Variants in NEXN observed in about 807,000 individuals in gnomAD.
NEXN encodes the protein nexilin.
A neutral mutation model predicts 92.6 loss-of-function variants in NEXN; 65 were observed. That is an observed-to-expected ratio of 0.70 (90% confidence interval 0.57 to 0.86). The LOEUF (loss-of-function observed/expected upper bound fraction) is 0.86. Among genes scored for constraint, NEXN ranks in the 40% least tolerant of loss-of-function variants. NEXN has a pLI of 0.00. For synonymous variants in NEXN, 254 were observed against 242.5 expected (o/e 1.05, Z -0.44); for missense variants, 778 against 771.1 (o/e 1.01, Z -0.11).
At chr1:77,921,676 G>A (rs1649431045) in intron 5 of NEXN, among the ~76,000 whole-genome samples, 1 of 152,166 alleles carries the variant, frequency 6.6e-6, no homozygotes, top group South Asian at 2.1e-4. Context: ...TTGGGAGACC[G>A]AGGCAGGTGG....
chr1:77,938,352 TAAG>T (rs745321281), intron 11 of NEXN, among the ~76,000 whole-genome samples: 7 of 152,122 alleles, frequency 4.6e-5, no homozygotes, highest in Non-Finnish European at 8.8e-5. Flanking sequence ...AATAAGCATT[TAAG>T]AAGTTTAGTC....
chr1:77,901,885 G>T (rs928911996), intron 1 of NEXN, among the ~76,000 whole-genome samples: 3 of 152,150 alleles, frequency 2.0e-5, no homozygotes, highest in Admixed American at 1.3e-4. Context: ...GGGACTACAG[G>T]AATGCACCCA....
chr1:77,937,000 G>A (rs1246938403), intron 11 of NEXN, among the ~76,000 whole-genome samples: 1 of 152,190 alleles, frequency 6.6e-6, no homozygotes, highest in Non-Finnish European at 1.5e-5. Context: ...TAGATGCCAT[G>A]TGAAGGGATT....
chr1:77,929,446 A>T lies in NEXN; in HGVS notation c.995A>T (p.Glu332Val). ...REDEKRKAEE[E>V]ARRRIEEEKK... ...GATGAAAAAAGGAAAGCAGAAGAAG[A>T]AGCCAGAAGGAGAATAGAGGAAGAA... Residue 332 changes from glutamate to valine, a missense_variant, in exon 9 of 13, where the codon GAA (glutamate) becomes GTA (valine). Physicochemically the swap from Glu to Val is moderately radical, Grantham distance 121. Transcript: ENST00000334785. 1.9e-6 allele frequency: 3 copies of T among 1,613,480 alleles called. No individual in the cohort carries two copies. In the South Asian group the frequency reaches 3.3e-5, roughly 18 times the overall value.
intron 1 of NEXN, among the ~76,000 whole-genome samples, chr1:77,906,472 T>G (rs1298916003): frequency 6.6e-6 from 1 of 152,310 alleles, no homozygotes; most frequent in African/African-American, 2.4e-5. Context: ...AGGATATAAT[T>G]AAATACAAAG....
rs142791830 is a variant in NEXN at position 77,937,460 on chromosome 1, T to A, written c.1473+1416T>A. On this transcript the variant is annotated intron_variant, in intron 11 of 12. Coordinates refer to ENST00000334785, the MANE Select transcript of NEXN (RefSeq NM_144573.4). Reference sequence around the variant, plus strand: ...TCCCAAGCACTTTGGGAGGCCGAGGTGGGTGGATCACCTGAGGTCAGGAGT... The same window carrying A: ...TCCCAAGCACTTTGGGAGGCCGAGGAGGGTGGATCACCTGAGGTCAGGAGT... Among the ~76,000 whole-genome samples, 1,377 of 152,170 alleles carry A rather than the reference T, an allele frequency of 9.0e-3. 9 individuals carry two copies. The highest frequency in any genetic ancestry group is 0.014 in the Non-Finnish European group (955 of 68,000).
At chr1:77,915,980 C>A in intron 1 of NEXN, 75 bp from the exon 2 acceptor site, 1 of 403,646 alleles carries the variant, frequency 2.5e-6, no homozygotes, top group East Asian at 7.3e-5. Context: ...CAATTAACTG[C>A]TATTTCTATT....
chr1:77,922,601 CTTTTT>C (rs570526406), intron 5 of NEXN, among the ~76,000 whole-genome samples: 2 of 140,362 alleles, frequency 1.4e-5, no homozygotes, highest in Admixed American at 7.2e-5. Flanking sequence ...CAAAATTATT[CTTTTT>C]TTTTTTTTTG....
At chr1:77,931,346 G>A (rs1047344872) in intron 9 of NEXN, among the ~76,000 whole-genome samples, 2 of 149,420 alleles carry the variant, frequency 1.3e-5, no homozygotes, top group Admixed American at 1.3e-4. Flanking sequence ...CTGGGAGGCG[G>A]AGCTTGCAGT....
intron 11 of NEXN, among the ~76,000 whole-genome samples, chr1:77,938,400 C>T (rs192255615): frequency 1.3e-5 from 2 of 151,952 alleles, no homozygotes; most frequent in Non-Finnish European, 2.9e-5. Context: ...CCTGTAATCC[C>T]GGCACTTTGG....
At chr1:77,935,152 C>T (rs563715507) in intron 10 of NEXN, among the ~76,000 whole-genome samples, 2 of 152,198 alleles carry the variant, frequency 1.3e-5, no homozygotes, top group African/African-American at 2.4e-5. Flanking sequence ...CAACCTCCAC[C>T]TCAGCCTCCC....
At chr1:77,895,299 C>T (rs567736173) in intron 1 of NEXN, among the ~76,000 whole-genome samples, 6 of 151,986 alleles carry the variant, frequency 3.9e-5, no homozygotes, top group Non-Finnish European at 7.4e-5. Flanking sequence ...CCCGCCTTGG[C>T]CTCTGAAAGT....
At chr1:77,937,661 C>T (rs1650885605) in intron 11 of NEXN, among the ~76,000 whole-genome samples, 1 of 152,008 alleles carries the variant, frequency 6.6e-6, no homozygotes, top group African/African-American at 2.4e-5. Context: ...TGCACTCTAG[C>T]CTTGGCGACA....
At chr1:77,889,712 C>G (rs2102017077) in intron 1 of NEXN, among the ~76,000 whole-genome samples, 1 of 152,222 alleles carries the variant, frequency 6.6e-6, no homozygotes, top group East Asian at 1.9e-4. Context: ...TATGTCCTAA[C>G]AAAATGTCCT....
In NEXN at chr1:77,922,837, C is replaced by T. The variant is rs950489701; in HGVS notation, c.448-2351C>T. On this transcript the variant is annotated intron_variant, in intron 5 of 12. Transcript: ENST00000334785. ...GTCTCGATCTCCTGATCTCGTGATC[C>T]GCCCGCCTCGGCCTCCCAAAGTGCT... Among the ~76,000 whole-genome samples, 9 of 151,868 alleles carry T rather than the reference C, an allele frequency of 5.9e-5. No individual in the cohort carries two copies. The South Asian group carries it at 6.2e-4, about 11-fold the overall frequency.
intron 1 of NEXN, among the ~76,000 whole-genome samples, chr1:77,896,444 T>G (rs1050251520): frequency 1.3e-5 from 2 of 151,946 alleles, no homozygotes; most frequent in Admixed American, 6.6e-5. Context: ...TGGCCAAACC[T>G]CTTGCAATTG....
At chr1:77,903,641 A>C (rs1647886978) in intron 1 of NEXN, among the ~76,000 whole-genome samples, 1 of 152,216 alleles carries the variant, frequency 6.6e-6, no homozygotes, top group Non-Finnish European at 1.5e-5. Context: ...GCCTTTTGCT[A>C]AATAAAGCAG....
rs876657929 is a variant in NEXN at position 77,942,782 on chromosome 1, G to A, written c.1981G>A (p.Gly661Arg). 5.0e-6 allele frequency: 8 copies of A among 1,612,678 alleles called. No individual in the cohort carries two copies. Among genetic ancestry groups the A allele is most frequent in the Non-Finnish European group, 6.8e-6 (8 of 1,179,312 alleles). The change falls in exon 13 of 13, where the codon GGA (glycine) becomes AGA (arginine). Residue 661 changes from glycine (G) to arginine (R), a missense_variant. Coordinates refer to ENST00000334785, the MANE Select transcript of NEXN (RefSeq NM_144573.4). ...TATGTGTAAAGCAGTCAACAATAAA[G>A]GATCTGCAGCTAGTACCTGTATTCT... ...EYMCKAVNNKGSAASTCILTI... is the reference protein window; with the variant it reads ...EYMCKAVNNKRSAASTCILTI...
At chr1:77,891,082 T>C (rs1647095773) in intron 1 of NEXN, among the ~76,000 whole-genome samples, 1 of 152,208 alleles carries the variant, frequency 6.6e-6, no homozygotes, top group Non-Finnish European at 1.5e-5. Flanking sequence ...ACATTTGAAA[T>C]GGCTACATTT....
Sources: allele counts gnomAD v4.1 joint callset (sites outside exome capture counted in the v4.1 genomes callset), GRCh38; gene constraint gnomAD v4.1.1; transcripts MANE v1.5; gene names NCBI Gene and HGNC (gene_info 2026-07-23, HGNC 2026-07-21).